The following MEGF11 variants were observed in gnomAD, a reference collection of about 807,000 sequenced individuals.
The protein encoded by MEGF11 is multiple epidermal growth factor-like domains protein 11.
Under a neutral mutation model 146.6 loss-of-function variants are expected in MEGF11, and 126 were observed. The ratio of observed to expected loss-of-function variants is 0.86; its 90% CI spans 0.74 to 1.00. The LOEUF (loss-of-function observed/expected upper bound fraction) is 1.00. Ranked by LOEUF, MEGF11 falls within the 50% of genes least tolerant of loss-of-function variation. The probability of loss-of-function intolerance (pLI) is 0.00; values close to 1 mark genes in which losing one functional copy is unlikely to be tolerated. For missense variants in MEGF11, 1,509 were observed against 1,521.2 expected (o/e 0.99, Z 0.13); for synonymous variants, 532 against 583.4 (o/e 0.91, Z 1.27).
At chr15:66,190,642 G>A (rs2090843848) in intron 1 of MEGF11, among the ~76,000 whole-genome samples, 1 of 152,038 alleles carries the variant, frequency 6.6e-6, no homozygotes, top group Non-Finnish European at 1.5e-5. Flanking sequence ...TGAGATCCTT[G>A]CCCACCTGAG....
chr15:66,209,830 G>GC (rs113856716), intron 1 of MEGF11, among the ~76,000 whole-genome samples: 10,290 of 145,592 alleles, frequency 0.071, 503 homozygotes, highest in African/African-American at 0.13. Flanking sequence ...TGACAGAAAT[G>GC]TTTTTTTTTT....
At chr15:66,127,770 C>T (rs574977437) in intron 2 of MEGF11, among the ~76,000 whole-genome samples, 39 of 152,324 alleles carry the variant, frequency 2.6e-4, no homozygotes, top group Admixed American at 1.0e-3. Context: ...ATGCAGCCCG[C>T]TCTTCCGCTG....
chr15:65,940,269 T>C (rs969818000), intron 10 of MEGF11, among the ~76,000 whole-genome samples: 1 of 152,222 alleles, frequency 6.6e-6, no homozygotes, highest in Non-Finnish European at 1.5e-5. Context: ...GCCGCATCCA[T>C]GCCAGCAGCA....
At chr15:66,067,886 T>C (rs8027897) in intron 5 of MEGF11, among the ~76,000 whole-genome samples, 76,838 of 152,056 alleles carry the variant, frequency 0.51, 20,688 homozygotes, top group Non-Finnish European at 0.58. Flanking sequence ...TCCTTTCCTC[T>C]GGTGTTGCTG....
chr15:66,197,664 C>T (rs952684288), intron 1 of MEGF11, among the ~76,000 whole-genome samples: 9 of 152,068 alleles, frequency 5.9e-5, no homozygotes, highest in Non-Finnish European at 1.0e-4. Context: ...CCTCGTGATC[C>T]GCCCGCCTCA....
intron 13 of MEGF11, 29 bp from the exon 14 acceptor site, chr15:65,922,998 T>C (rs866803683): frequency 1.9e-6 from 3 of 1,605,754 alleles, no homozygotes; most frequent in Middle Eastern, 1.7e-4. Flanking sequence ...CTCGGGTCAG[T>C]GGTAAGAGAG....
chr15:65,968,569 T>G (rs184924243), intron 8 of MEGF11, among the ~76,000 whole-genome samples: 45 of 151,146 alleles, frequency 3.0e-4, no homozygotes, highest in Admixed American at 2.6e-3. Flanking sequence ...ATCAGCCTCT[T>G]TTTTTTTTCC....
At position 66,055,605 on chromosome 15, in the gene MEGF11, C is replaced by T. The variant is rs545933134; in HGVS notation, c.394+38797G>A. ...ATAGAGCATTTGGAAAACAAACCAG[C>T]TGCTATTTATAATGTTTGGTAACAT... is the stretch of plus-strand genomic sequence containing the variant. On this transcript the variant is annotated intron_variant, in intron 5 of 25. Transcript: ENST00000395614. Among the ~76,000 whole-genome samples the T allele has an allele frequency of 1.6e-4, 25 of 152,352 alleles. No individual in the cohort carries two copies. In the East Asian group the frequency reaches 3.9e-3, roughly 23 times the overall value.
At chr15:65,914,968 T>C (rs2078943404) in intron 19 of MEGF11, among the ~76,000 whole-genome samples, 1 of 152,196 alleles carries the variant, frequency 6.6e-6, no homozygotes, top group Admixed American at 6.5e-5. Context: ...TGGGACTCCA[T>C]CCCCTTTAGG....
chr15:66,114,693 G>A (rs1451219370), intron 4 of MEGF11, among the ~76,000 whole-genome samples: 1 of 151,432 alleles, frequency 6.6e-6, no homozygotes, highest in Non-Finnish European at 1.5e-5. Context: ...GTGATCTCTA[G>A]GAAATATTTC....
intron 1 of MEGF11, among the ~76,000 whole-genome samples, chr15:66,207,978 G>A (rs1475203704): frequency 6.6e-6 from 1 of 151,978 alleles, no homozygotes; most frequent in African/African-American, 2.4e-5. Context: ...CCAGCTACTG[G>A]GGAGGCTGAG....
At position 65,982,235 on chromosome 15, in the gene MEGF11, G is replaced by T; in HGVS notation, c.641+7C>A. The T allele has an allele frequency of 6.6e-7, 1 of 1,522,614 alleles. No individual in the cohort carries two copies. Among genetic ancestry groups the T allele is most frequent in the South Asian group, 1.2e-5 (1 of 83,538 alleles). The allele number at this position is 1,522,614 out of a possible 1,614,324, so 94.3% of individuals were successfully genotyped here. ...CCCGCCCCTCCAGGTCCTGCCGCAT[G>T]ACTCACTAGACGCCGGTGTAGCCAG... On this transcript the variant is annotated splice_region_variant and intron_variant, in intron 6 of 25. Transcript: ENST00000395614. This position sits in a 1 kb window ranked among gnomAD's most constrained non-coding sequence, Gnocchi z 5.6.
chr15:66,090,482 C>A (rs2086276093), intron 5 of MEGF11, among the ~76,000 whole-genome samples: 1 of 152,224 alleles, frequency 6.6e-6, no homozygotes, highest in South Asian at 2.1e-4. Flanking sequence ...TTATATATTG[C>A]CTTTATGTCA....
intron 5 of MEGF11, among the ~76,000 whole-genome samples, chr15:66,017,088 C>T (rs1268910420): frequency 1.3e-5 from 2 of 152,176 alleles, no homozygotes; most frequent in African/African-American, 4.8e-5. Flanking sequence ...TGGAGAAGCA[C>T]AGCCCGGGTG....
intron 1 of MEGF11, among the ~76,000 whole-genome samples, chr15:66,154,116 C>G (rs1446071761): frequency 6.6e-6 from 1 of 152,224 alleles, no homozygotes; most frequent in East Asian, 1.9e-4. Context: ...TCTCTGACAC[C>G]CACCAATGAG....
intron 1 of MEGF11, among the ~76,000 whole-genome samples, chr15:66,192,587 G>A (rs1647217770): frequency 1.3e-5 from 2 of 152,236 alleles, no homozygotes; most frequent in Admixed American, 6.5e-5. Context: ...ATTTACCAAT[G>A]AGAAAAACTG....
At position 65,982,450 on chromosome 15, in the gene MEGF11, G is replaced by T; in HGVS notation, c.433C>A (p.Arg145=). Residue 145 remains arginine (R), a synonymous_variant, in exon 6 of 26, where the codon CGG becomes AGG. Transcript: ENST00000395614. This position sits in a 1 kb window ranked among gnomAD's most constrained non-coding sequence, Gnocchi z 5.6. ...AGGGCGCCGTTCTGGCACTGGCACC[G>T]GTTGCTGCAGTGGGGCCCCCAGTGG... ...SDHWGPHCSN[R]CQCQNGALCN... 3 of 1,492,194 alleles carry T rather than the reference G, an allele frequency of 2.0e-6. No individual in the cohort carries two copies. The highest frequency in any genetic ancestry group is 2.7e-6 in the Non-Finnish European group (3 of 1,119,164). The allele number at this position is 1,492,194 out of a possible 1,614,324, so 92.4% of individuals were successfully genotyped here.
chr15:65,962,276 C>T (rs961952327), intron 9 of MEGF11, among the ~76,000 whole-genome samples: 9 of 152,170 alleles, frequency 5.9e-5, no homozygotes, highest in Non-Finnish European at 1.3e-4. Context: ...AACAATCAAG[C>T]GCAGCACGAG....
In MEGF11 at chr15:66,099,723, A is replaced by G. The variant is rs568917487; in HGVS notation, c.302-5229T>C. Among the ~76,000 whole-genome samples, 9 of 152,244 alleles carry G rather than the reference A, an allele frequency of 5.9e-5. No homozygotes were observed. The South Asian group carries it at 1.2e-3, about 21-fold the overall frequency. ...TTATAACTGTTGCTTTCTTTTTAAA[A>G]TGTTGCTGTTGTTATTAATATTCCT... On this transcript the variant is annotated intron_variant, in intron 4 of 25. Coordinates refer to ENST00000395614, the MANE Select transcript of MEGF11 (RefSeq NM_001385028.1).
Sources: allele counts gnomAD v4.1 joint callset (sites outside exome capture counted in the v4.1 genomes callset), GRCh38; gene constraint gnomAD v4.1.1; non-coding constraint Gnocchi (gnomAD v3.1); transcripts MANE v1.5; gene names NCBI Gene and HGNC (gene_info 2026-07-23, HGNC 2026-07-21).